CELF2: variants seen among roughly 807,000 people sequenced by gnomAD.
CELF2 encodes the protein CUGBP Elav-like family member 2.
In CELF2, 8 loss-of-function variants were observed where a neutral mutation model predicts 62.6. The observed-to-expected ratio is 0.13, with a 90% confidence interval of 0.07 to 0.23. CELF2 has a LOEUF of 0.23. CELF2 is among the 10% of genes least tolerant of loss of function. The pLI, the probability that CELF2 is intolerant of heterozygous loss-of-function variation, is 1.00. For missense variants in CELF2, 333 were observed against 671.0 expected (o/e 0.50, Z 5.56); for synonymous variants, 258 against 250.0 (o/e 1.03, Z -0.30).
At chr10:10,961,651 C>A (rs919951101) in intron 2 of CELF2, among the ~76,000 whole-genome samples, 2 of 151,196 alleles carry the variant, frequency 1.3e-5, no homozygotes, top group African/African-American at 4.9e-5. Context: ...GAGGCTGAGA[C>A]ATGAAAATGG....
In CELF2 at chr10:11,227,130, C is replaced by T. The variant is rs567820766; in HGVS notation, c.354+9623C>T. On this transcript the variant is annotated intron_variant, in intron 3 of 12. Coordinates refer to ENST00000633077, the MANE Select transcript of CELF2 (RefSeq NM_001326342.2). This position sits in a 1 kb window ranked among gnomAD's most constrained non-coding sequence, Gnocchi z 4.8. The stretch of plus-strand genomic sequence containing the variant: ...AGCTTTAGGCAGCAGGACAAGAGGC[C>T]GAGGTTGTGAAACAAACGGAAACCT... Among the ~76,000 whole-genome samples the T allele has an allele frequency of 1.3e-5, 2 of 152,126 alleles. No homozygotes were observed. Among genetic ancestry groups the T allele is most frequent in the South Asian group, 2.1e-4 (1 of 4,826 alleles).
At chr10:10,728,452 CAA>C in the CELF2 span, among the ~76,000 whole-genome samples, 451 of 81,426 alleles carry the variant, frequency 5.5e-3, 1 homozygote, top group African/African-American at 0.016. Flanking sequence ...GACTCTGTTT[CAA>C]AAAAAAAAAA....
chr10:11,103,034 C>T (rs1469216531), intron 1 of CELF2, among the ~76,000 whole-genome samples: 1 of 152,194 alleles, frequency 6.6e-6, no homozygotes, highest in Admixed American at 6.5e-5. Context: ...ATTCAGAATT[C>T]TCCAGTGCCT....
intron 1 of CELF2, among the ~76,000 whole-genome samples, chr10:11,133,875 T>G (rs576133123): frequency 2.0e-5 from 3 of 152,186 alleles, no homozygotes; most frequent in Non-Finnish European, 4.4e-5. Flanking sequence ...TTTGAAGTCT[T>G]TAAAGACTGT....
the CELF2 span, among the ~76,000 whole-genome samples, chr10:10,785,929 C>T: frequency 6.6e-6 from 1 of 152,106 alleles, no homozygotes; most frequent in African/African-American, 2.4e-5. Context: ...ATTAGATATG[C>T]TAATGGGCTT....
At chr10:10,561,509 G>A in the CELF2 span, among the ~76,000 whole-genome samples, 12,049 of 152,258 alleles carry the variant, frequency 0.079, 1,258 homozygotes, top group African/African-American at 0.24. Context: ...AGTCCTGAGT[G>A]ATCTTCAATA....
chr10:11,288,152 C>T (rs549449184), intron 8 of CELF2, among the ~76,000 whole-genome samples: 2 of 152,366 alleles, frequency 1.3e-5, no homozygotes, highest in African/African-American at 4.8e-5. Context: ...GAAGCGCAGG[C>T]TCTGCCAGGG....
rs149234745 is a variant in CELF2 at position 10,959,023 on chromosome 10, G to A, written c.89+39024G>A. ...TGTAATCCCAGCACTTTGGGAGGCCGAGGTAGGCGGATCTTTTGAGATCAG... is the reference window on the plus strand; with the variant it reads ...TGTAATCCCAGCACTTTGGGAGGCCAAGGTAGGCGGATCTTTTGAGATCAG... On this transcript the variant is annotated intron_variant, in intron 2 of 13. Transcript: ENST00000636488. 1.3e-3 allele frequency among the ~76,000 whole-genome samples: 197 copies of A among 152,266 alleles called. 3 individuals are homozygous for A. The East Asian group carries it at 0.033, about 26-fold the overall frequency.
chr10:10,795,769 A>C (rs896441741), upstream of CELF2, among the ~76,000 whole-genome samples: 1 of 152,198 alleles, frequency 6.6e-6, no homozygotes, highest in African/African-American at 2.4e-5. Context: ...AAGGCAAAAT[A>C]TTCTGCCCTT....
intron 1 of CELF2, among the ~76,000 whole-genome samples, chr10:11,027,352 C>T (rs1191573048): frequency 3.3e-5 from 5 of 152,120 alleles, no homozygotes; most frequent in East Asian, 1.9e-4. Flanking sequence ...ATCAAATGGA[C>T]GGTGTTTCTT....
At position 11,267,300 on chromosome 10, in the gene CELF2, T is replaced by C. The variant is rs1256045981; in HGVS notation, c.618+623T>C. Reference sequence around the variant, plus strand: ...TAAAGGCTCAAATGTGGTCTCCTAATGAGAGATCATGGCTTTAGGGGAAGG... The same window carrying C: ...TAAAGGCTCAAATGTGGTCTCCTAACGAGAGATCATGGCTTTAGGGGAAGG... On this transcript the variant is annotated intron_variant, in intron 6 of 12. Transcript: ENST00000633077. The surrounding 1 kb of genome is among the most constrained non-coding windows in gnomAD (Gnocchi z 4.4). Among the ~76,000 whole-genome samples the C allele has an allele frequency of 1.3e-5, 2 of 152,254 alleles. No homozygotes were observed. Among genetic ancestry groups the C allele is most frequent in the Non-Finnish European group, 1.5e-5 (1 of 68,040 alleles).
At chr10:10,973,695 T>C (rs997851274) in intron 2 of CELF2, among the ~76,000 whole-genome samples, 5 of 152,128 alleles carry the variant, frequency 3.3e-5, no homozygotes, top group African/African-American at 1.2e-4. Context: ...GCCTCCTGAG[T>C]AGCTGAGAGT....
the CELF2 span, among the ~76,000 whole-genome samples, chr10:10,603,078 A>C: frequency 6.9e-6 from 1 of 144,856 alleles, no homozygotes; most frequent in South Asian, 2.6e-4. Context: ...TTAGACCAGT[A>C]TTTTCAGCAA....
At chr10:11,188,839 C>T (rs2075637811) in intron 2 of CELF2, among the ~76,000 whole-genome samples, 1 of 152,154 alleles carries the variant, frequency 6.6e-6, no homozygotes, top group Admixed American at 6.5e-5. Flanking sequence ...TTTAAAGTCT[C>T]TGTTTCTCTA....
At chr10:11,026,607 GT>G (rs1229003582) in intron 1 of CELF2, among the ~76,000 whole-genome samples, 1 of 152,240 alleles carries the variant, frequency 6.6e-6, no homozygotes, top group Non-Finnish European at 1.5e-5. Context: ...CCTAGATTCA[GT>G]GTGGTCATAA....
At chr10:10,731,610 G>A in the CELF2 span, among the ~76,000 whole-genome samples, 3 of 152,120 alleles carry the variant, frequency 2.0e-5, no homozygotes, top group Non-Finnish European at 2.9e-5. Flanking sequence ...ACAAAATGTG[G>A]TTAGTCCGTA....
chr10:11,334,969 T>G lies in CELF2; in HGVS notation c.*5916T>G, dbSNP rs1002438446. The G allele has an allele frequency of 1.3e-5, 2 of 152,230 alleles. No homozygotes were observed. The highest frequency in any genetic ancestry group is 2.9e-5 in the Non-Finnish European group (2 of 68,050). 9.4% of individuals were successfully genotyped at this position (152,230 alleles called of 1,614,324 possible). A position where few individuals can be genotyped will look rare whatever the true frequency, so the allele number is the denominator to read the frequency against. Reference sequence around the variant, plus strand: ...CAAGCTAATTGAATCCAGGAGCAGCTTTAATTATTAACACTAACGGAAGAG... The same window carrying G: ...CAAGCTAATTGAATCCAGGAGCAGCGTTAATTATTAACACTAACGGAAGAG... On this transcript the variant is annotated 3_prime_UTR_variant, in exon 13 of 13. Transcript: ENST00000633077.
At chr10:10,512,100 T>C in the CELF2 span, among the ~76,000 whole-genome samples, 2 of 152,152 alleles carry the variant, frequency 1.3e-5, no homozygotes, top group Admixed American at 1.3e-4. Context: ...TCTCTCTGGG[T>C]ATTTAATTTT....
chr10:11,292,044 A>T (rs781765454), intron 9 of CELF2, among the ~76,000 whole-genome samples: 4 of 152,232 alleles, frequency 2.6e-5, no homozygotes, highest in Non-Finnish European at 5.9e-5. Flanking sequence ...CCAAGTACAC[A>T]TCCAGGATCA....
Sources: gnomAD v4.1 joint callset for allele counts (sites outside exome capture counted in the v4.1 genomes callset) on GRCh38, gnomAD v4.1.1 for gene constraint, Gnocchi (gnomAD v3.1) non-coding constraint, MANE v1.5 for transcripts, NCBI Gene and HGNC (gene_info 2026-07-23, HGNC 2026-07-21) for gene names.